POU6F2: variants seen among roughly 807,000 people sequenced by gnomAD.
POU6F2 encodes the protein POU class 6 homeobox 2.
Under a neutral mutation model 71.3 loss-of-function variants are expected in POU6F2, and 31 were observed. The observed-to-expected ratio is 0.43, with a 90% CI of 0.33 to 0.59. POU6F2 has a LOEUF of 0.59. Among genes scored for constraint, POU6F2 ranks in the 20% least tolerant of loss-of-function variants. The pLI, the probability that POU6F2 is intolerant of heterozygous loss-of-function variation, is 0.04. For missense variants in POU6F2, 783 were observed against 856.8 expected (o/e 0.91, Z 1.07); for synonymous variants, 347 against 355.7 (o/e 0.98, Z 0.27).
intron 4 of POU6F2, among the ~76,000 whole-genome samples, chr7:39,213,026 T>C (rs1794174780): frequency 6.6e-6 from 1 of 152,202 alleles, no homozygotes; most frequent in Non-Finnish European, 1.5e-5. Context: ...AGTGACTTGT[T>C]CTCACAGCAC....
At position 39,229,252 on chromosome 7, in the gene POU6F2, C is replaced by T. The variant is rs181038123; in HGVS notation, c.598+21632C>T. 1.2e-3 allele frequency among the ~76,000 whole-genome samples: 177 copies of T among 152,340 alleles called. 1 individual carries two copies. The highest frequency in any genetic ancestry group is 9.4e-4 in the Non-Finnish European group (64 of 68,040). The stretch of plus-strand genomic sequence containing the variant: ...GCATTTGTTTGCGCATCCTCCAGCC[C>T]CACTTCAGTAGGCTGTCTTTAAGAG... On this transcript the variant is annotated intron_variant, in intron 4 of 9. Transcript: ENST00000518318.
intron 1 of POU6F2, among the ~76,000 whole-genome samples, chr7:39,001,707 T>C (rs1788915412): frequency 6.6e-6 from 1 of 151,544 alleles, no homozygotes; most frequent in South Asian, 2.1e-4. Flanking sequence ...TTGATGGTGA[T>C]GTGATGATGA....
At chr7:39,198,428 C>A (rs1337565691) in intron 2 of POU6F2, among the ~76,000 whole-genome samples, 1 of 151,752 alleles carries the variant, frequency 6.6e-6, no homozygotes, top group Non-Finnish European at 1.5e-5. Flanking sequence ...AGATTTAGAA[C>A]CACTTAGGAC....
chr7:39,108,168 A>T (rs990166835), intron 2 of POU6F2, among the ~76,000 whole-genome samples: 1 of 152,206 alleles, frequency 6.6e-6, no homozygotes, highest in Non-Finnish European at 1.5e-5. Context: ...TCATCTGGTT[A>T]TGCTGATAAT....
Position 39,377,086 on chromosome 7 carries a change from A to C in POU6F2, c.973-29514A>C, listed in dbSNP as rs996831074. On this transcript the variant is annotated intron_variant, in intron 5 of 9. Coordinates refer to ENST00000518318, the MANE Select transcript of POU6F2 (RefSeq NM_001370959.1). ...ATAATTATATTTAAATTAGGTATTA[A>C]ATAACTTAAATATTAAATAACTTAA... Among the ~76,000 whole-genome samples the C allele has an allele frequency of 6.7e-5, 10 of 148,216 alleles. No homozygotes were observed. The South Asian group carries it at 2.1e-3, about 31-fold the overall frequency.
chr7:39,456,156 G>A (rs545258379), intron 8 of POU6F2, among the ~76,000 whole-genome samples: 1 of 152,148 alleles, frequency 6.6e-6, no homozygotes, highest in African/African-American at 2.4e-5. Flanking sequence ...GGTTTCCCTA[G>A]AGCTGGTTAA....
intron 4 of POU6F2, among the ~76,000 whole-genome samples, chr7:39,250,960 A>G (rs1562763414): frequency 6.6e-6 from 1 of 152,242 alleles, no homozygotes; most frequent in Non-Finnish European, 1.5e-5. Flanking sequence ...TGGAATAACA[A>G]TAATAGCATT....
At chr7:38,999,010 A>C (rs1015133440) in intron 1 of POU6F2, among the ~76,000 whole-genome samples, 2 of 152,012 alleles carry the variant, frequency 1.3e-5, no homozygotes, top group African/African-American at 4.8e-5. Context: ...GAAGAGGGCA[A>C]GGGAAGAAAG....
intron 4 of POU6F2, among the ~76,000 whole-genome samples, chr7:39,323,713 C>A (rs1273126870): frequency 6.6e-6 from 1 of 152,092 alleles, no homozygotes; most frequent in African/African-American, 2.4e-5. Context: ...AAAGATAATT[C>A]TGGTGGCAGA....
chr7:39,202,917 A>T (rs1793938153), intron 2 of POU6F2, among the ~76,000 whole-genome samples: 1 of 152,250 alleles, frequency 6.6e-6, no homozygotes, highest in Non-Finnish European at 1.5e-5. Flanking sequence ...TCTCCAAGCA[A>T]TGTCCATTCC....
intron 1 of POU6F2, among the ~76,000 whole-genome samples, chr7:38,985,842 G>A (rs1197558964): frequency 6.6e-6 from 1 of 152,030 alleles, no homozygotes; most frequent in Non-Finnish European, 1.5e-5. Flanking sequence ...AAGGTTTCTG[G>A]GAACGAAGGC....
At chr7:39,132,011 C>T (rs912766518) in intron 2 of POU6F2, among the ~76,000 whole-genome samples, 1 of 152,092 alleles carries the variant, frequency 6.6e-6, no homozygotes, top group Admixed American at 6.5e-5. Flanking sequence ...ACAAACAATC[C>T]AATTATACTT....
chr7:39,009,635 C>T lies in POU6F2; in HGVS notation c.105+31577C>T, dbSNP rs979287642. ...AGGGAATGCTTCCAGTTTTTGCCCA[C>T]TCAGTATGATATTGGCTGTGGGTTT... On this transcript the variant is annotated intron_variant, in intron 1 of 9. Coordinates refer to ENST00000518318, the MANE Select transcript of POU6F2 (RefSeq NM_001370959.1). 1.1e-4 allele frequency among the ~76,000 whole-genome samples: 17 copies of T among 152,282 alleles called. 1 individual carries two copies. Among genetic ancestry groups the T allele is most frequent in the South Asian group, 1.0e-3 (5 of 4,824 alleles).
intron 4 of POU6F2, among the ~76,000 whole-genome samples, chr7:39,319,348 A>G (rs1785338216): frequency 1.3e-5 from 2 of 152,174 alleles, no homozygotes; most frequent in South Asian, 2.1e-4. Flanking sequence ...GATGGGCACT[A>G]ACTACTGTTG....
At chr7:39,182,811 C>T (rs1793461060) in intron 2 of POU6F2, among the ~76,000 whole-genome samples, 1 of 152,142 alleles carries the variant, frequency 6.6e-6, no homozygotes, top group African/African-American at 2.4e-5. Flanking sequence ...GTCCCTGAGT[C>T]TGTGTCTCTT....
intron 2 of POU6F2, among the ~76,000 whole-genome samples, chr7:39,112,356 C>T (rs997368805): frequency 6.6e-6 from 1 of 152,170 alleles, no homozygotes; most frequent in Non-Finnish European, 1.5e-5. Context: ...CAAAATGTTT[C>T]TGTATACTGG....
intron 2 of POU6F2, among the ~76,000 whole-genome samples, chr7:39,104,497 T>C (rs1433299789): frequency 6.6e-6 from 1 of 152,182 alleles, no homozygotes; most frequent in Non-Finnish European, 1.5e-5. Context: ...ACAATGTACC[T>C]GGGATTCTTC....
intron 2 of POU6F2, among the ~76,000 whole-genome samples, chr7:39,131,377 C>G (rs948337779): frequency 6.6e-6 from 1 of 152,178 alleles, no homozygotes; most frequent in Admixed American, 6.5e-5. Flanking sequence ...GTTAATACTT[C>G]AGGGAGCCAT....
In POU6F2 at chr7:39,371,439, A is replaced by G. The variant is rs575389758; in HGVS notation, c.972+31424A>G. 3.3e-3 allele frequency among the ~76,000 whole-genome samples: 505 copies of G among 152,268 alleles called. 1 individual carries two copies. The highest frequency in any genetic ancestry group is 5.8e-3 in the Non-Finnish European group (394 of 68,010). ...CATGATCTGCCCACCTTGGCCTCCC[A>G]AAGTGCTGGGATTACAGGTGTGAGC... On this transcript the variant is annotated intron_variant, in intron 5 of 9. Transcript: ENST00000518318.
Sources: gnomAD v4.1 joint callset for allele counts (sites outside exome capture counted in the v4.1 genomes callset) on GRCh38, gnomAD v4.1.1 for gene constraint, MANE v1.5 for transcripts, NCBI Gene and HGNC (gene_info 2026-07-23, HGNC 2026-07-21) for gene names.